SLC1A2: variants seen among roughly 807,000 people sequenced by gnomAD.
SLC1A2 encodes the protein solute carrier family 1 member 2, also known as excitatory amino acid transporter 2.
A neutral mutation model predicts 48.8 loss-of-function variants in SLC1A2; 15 were observed. The observed-to-expected ratio is 0.31, with a 90% CI of 0.21 to 0.47. The LOEUF (loss-of-function observed/expected upper bound fraction) is 0.47. Ranked by LOEUF, SLC1A2 falls within the 20% of genes least tolerant of loss-of-function variation. The probability of loss-of-function intolerance (pLI) is 0.99; values close to 1 mark genes in which losing one functional copy is unlikely to be tolerated. For synonymous variants in SLC1A2, 279 were observed against 272.6 expected, an observed-to-expected ratio of 1.02 and a Z score of -0.23; for missense variants, 502 against 730.5, an observed-to-expected ratio of 0.69 and a Z score of 3.61.
At chr11:35,377,094 C>T (rs1297023164) in intron 1 of SLC1A2, among the ~76,000 whole-genome samples, 2 of 152,186 alleles carry the variant, frequency 1.3e-5, no homozygotes, top group Admixed American at 6.5e-5. Flanking sequence ...GTGCGGGGCA[C>T]TGACGTAAAC....
intron 1 of SLC1A2, among the ~76,000 whole-genome samples, chr11:35,393,055 A>T: frequency 6.6e-6 from 1 of 152,172 alleles, no homozygotes; most frequent in Admixed American, 6.5e-5. Context: ...GAGGAACCTG[A>T]AGCTCTGAGA....
At chr11:35,268,069 T>A (rs1262188699) in intron 9 of SLC1A2, among the ~76,000 whole-genome samples, 1 of 152,242 alleles carries the variant, frequency 6.6e-6, no homozygotes, top group Non-Finnish European at 1.5e-5. Context: ...TGGAGAAAAG[T>A]ACAGGCTACA....
upstream of SLC1A2, chr11:35,420,473 C>T (rs1304036366): frequency 6.6e-6 from 1 of 152,270 alleles, no homozygotes; most frequent in Non-Finnish European, 1.5e-5. Flanking sequence ...GCAATGGAAC[C>T]CAAAAGAACT....
intron 1 of SLC1A2, among the ~76,000 whole-genome samples, chr11:35,341,708 G>T (rs1432291727): frequency 6.6e-6 from 1 of 152,280 alleles, no homozygotes; most frequent in African/African-American, 2.4e-5. Context: ...GGTAAGTTTG[G>T]TAGTTTCTAT....
chr11:35,284,913 C>T (rs568078064), intron 8 of SLC1A2, among the ~76,000 whole-genome samples: 1 of 152,172 alleles, frequency 6.6e-6, no homozygotes, highest in Non-Finnish European at 1.5e-5. Context: ...TGAACACTGC[C>T]TCTTAGGAGA....
At chr11:35,414,614 T>C (rs1379120926) in intron 1 of SLC1A2, among the ~76,000 whole-genome samples, 1 of 152,192 alleles carries the variant, frequency 6.6e-6, no homozygotes, top group Non-Finnish European at 1.5e-5. Flanking sequence ...TAAAACCCTT[T>C]CTATGAAGCA....
chr11:35,267,036 CA>C, intron 9 of SLC1A2, among the ~76,000 whole-genome samples: 1 of 152,296 alleles, frequency 6.6e-6, no homozygotes, highest in South Asian at 2.1e-4. Flanking sequence ...GTTTAACTCT[CA>C]GGGGCATCTC....
At chr11:35,292,619 T>G in intron 6 of SLC1A2, 99 bp from the exon 7 acceptor site, 2 of 665,348 alleles carry the variant, frequency 3.0e-6, no homozygotes, top group Non-Finnish European at 5.0e-6. Context: ...CGCTTGGCTC[T>G]TCTGTACAAA....
chr11:35,278,273 GTTTTTTTTTT>G (rs35889672), intron 9 of SLC1A2, among the ~76,000 whole-genome samples: 9 of 88,662 alleles, frequency 1.0e-4, no homozygotes, highest in Non-Finnish European at 1.6e-4. Flanking sequence ...GTTTTTTTTT[GTTTTTTTTTT>G]TTTTTTTTTT....
chr11:35,314,660 C>T (rs893480628), intron 3 of SLC1A2, among the ~76,000 whole-genome samples: 1 of 150,768 alleles, frequency 6.6e-6, no homozygotes, highest in South Asian at 2.1e-4. Context: ...TTGCAGTGAG[C>T]TGAGATTGCA....
At chr11:35,365,315 T>C (rs1451050580) in intron 1 of SLC1A2, among the ~76,000 whole-genome samples, 1 of 152,182 alleles carries the variant, frequency 6.6e-6, no homozygotes, top group Non-Finnish European at 1.5e-5. Context: ...TTACACATGA[T>C]CAATGATATG....
At chr11:35,339,485 G>A (rs1852757587) in intron 1 of SLC1A2, among the ~76,000 whole-genome samples, 1 of 152,194 alleles carries the variant, frequency 6.6e-6, no homozygotes, top group Non-Finnish European at 1.5e-5. Context: ...GTTAGTGTGT[G>A]GCTCAATGTT....
intron 9 of SLC1A2, among the ~76,000 whole-genome samples, chr11:35,271,341 G>C (rs553637526): frequency 6.6e-6 from 1 of 152,154 alleles, no homozygotes; most frequent in Non-Finnish European, 1.5e-5. Context: ...TCATCCCATA[G>C]AGAAGGCTGA....
In SLC1A2 at chr11:35,265,570, C is replaced by G. The variant is rs182693757; in HGVS notation, c.1610G>C (p.Cys537Ser). The change falls in exon 10 of 11, where the codon TGT becomes TCT. Residue 537 changes from cysteine (C) to serine (S), a missense_variant. By Grantham distance (112) the Cys-to-Ser change is moderately radical. Around this residue, in one of 4 missense-constraint regions of SLC1A2, gnomAD observed 102 missense variants for 107.2 expected, o/e 0.95. Transcript: ENST00000278379. ...KNHRESNSNQ[C>S]VYAAHNSVIV... Reference sequence around the variant, plus strand: ...GACAGAGTTGTGTGCAGCATAGACACATTGATTAGAGTTGCTTTCCCTGTG... The same window carrying G: ...GACAGAGTTGTGTGCAGCATAGACAGATTGATTAGAGTTGCTTTCCCTGTG... 27 of 1,610,204 alleles carry G rather than the reference C, an allele frequency of 1.7e-5. No individual in the cohort carries two copies. The African/African-American group carries it at 2.8e-4, about 17-fold the overall frequency.
At chr11:35,359,292 T>C (rs1853595079) in intron 1 of SLC1A2, among the ~76,000 whole-genome samples, 2 of 152,214 alleles carry the variant, frequency 1.3e-5, no homozygotes, top group African/African-American at 4.8e-5. Context: ...GACATATTCA[T>C]TAAGGACTGC....
intron 9 of SLC1A2, among the ~76,000 whole-genome samples, chr11:35,268,523 G>A (rs1308368525): frequency 1.3e-5 from 2 of 151,886 alleles, no homozygotes. Context: ...AAATTAGCCG[G>A]GCATGGTGGT....
Position 35,280,953 on chromosome 11 carries a change from G to T in SLC1A2, c.1335C>A (p.Ala445=), listed in dbSNP as rs139804773. Residue 445 remains alanine (A), a synonymous_variant, in exon 9 of 11, where the codon GCC becomes GCA. Transcript: ENST00000278379. ...GAATGAGGAGCATGGTGACCAGCCC[G>T]GCACTGGGGATACTGGCCGCGCCGA... The part of the protein sequence containing the change: ...ASVGAASIPS[A]GLVTMLLILT... 2 of 1,612,694 alleles carry T rather than the reference G, an allele frequency of 1.2e-6. No individual in the cohort carries two copies. The highest frequency in any genetic ancestry group is 1.7e-4 in the Middle Eastern group (1 of 5,798).
intron 1 of SLC1A2, among the ~76,000 whole-genome samples, chr11:35,368,628 G>A (rs1298753765): frequency 6.6e-6 from 1 of 152,206 alleles, no homozygotes; most frequent in Non-Finnish European, 1.5e-5. Context: ...AGCAGCAAGG[G>A]TTGTCATGAA....
At chr11:35,380,779 G>A (rs549466420) in intron 1 of SLC1A2, among the ~76,000 whole-genome samples, 6 of 152,198 alleles carry the variant, frequency 3.9e-5, no homozygotes, top group Admixed American at 2.0e-4. Flanking sequence ...TCAGTGCTTC[G>A]CTGTTTGTTT....
Sources: allele counts gnomAD v4.1 joint callset (sites outside exome capture counted in the v4.1 genomes callset), GRCh38; gene constraint gnomAD v4.1.1; regional missense constraint gnomAD v4.1.1; transcripts MANE v1.5; gene names NCBI Gene and HGNC (gene_info 2026-07-23, HGNC 2026-07-21).